Variants in PIGU observed in about 807,000 individuals in gnomAD.
PIGU encodes the protein phosphatidylinositol glycan anchor biosynthesis class U.
In PIGU, 24 loss-of-function variants were observed where a neutral mutation model predicts 49.9. That is an observed-to-expected ratio of 0.48 (90% CI 0.35 to 0.68). The LOEUF (loss-of-function observed/expected upper bound fraction) is 0.68. Among genes scored for constraint, PIGU ranks in the 30% least tolerant of loss-of-function variants. The pLI is 0.01. For synonymous variants in PIGU, 220 were observed against 205.7 expected (o/e 1.07, Z -0.59); for missense variants, 490 against 532.6 (o/e 0.92, Z 0.79).
Position 34,659,050 on chromosome 20 carries a change from C to T in PIGU, c.131-1806G>A, listed in dbSNP as rs552186961. 1.7e-4 allele frequency among the ~76,000 whole-genome samples: 25 copies of T among 148,330 alleles called. No individual in the cohort carries two copies. In the East Asian group the frequency reaches 4.7e-3, roughly 28 times the overall value. On this transcript the variant is annotated intron_variant, in intron 1 of 11. Transcript: ENST00000217446. ...GGAAGTGAGGAGCCCCTCTGCCCGG[C>T]CAGCTGCCCCGTCCGGGAGGGAGGT...
intron 2 of PIGU, among the ~76,000 whole-genome samples, chr20:34,653,695 G>C (rs1055968925): frequency 6.6e-6 from 1 of 152,182 alleles, no homozygotes; most frequent in Admixed American, 6.5e-5. Flanking sequence ...TATGCTGATA[G>C]AGGTAGGCAC....
rs946911419 is a variant in PIGU, at chr20:34,642,744, C to CTT, written c.318+1418_318+1419dup. On this transcript the variant is annotated intron_variant, in intron 4 of 11. Coordinates refer to ENST00000217446, the MANE Select transcript of PIGU (RefSeq NM_080476.5). Reference sequence around the variant, plus strand: ...CACACAAGTTTATTTTTTCCCTAGTCTTTTTTTTTTTTTTTTTTTTGGAGA... The same window carrying CTT: ...CACACAAGTTTATTTTTTCCCTAGTCTTTTTTTTTTTTTTTTTTTTTTGGAGA... Among the ~76,000 whole-genome samples, 118 of 91,158 alleles carry CTT rather than the reference C, an allele frequency of 1.3e-3. 4 individuals are homozygous for CTT. Among genetic ancestry groups the CTT allele is most frequent in the African/African-American group, 4.1e-3 (100 of 24,348 alleles). The allele number at this position is 91,158 out of a possible 152,430, so 59.8% of individuals were successfully genotyped here. A position where few individuals can be genotyped will look rare whatever the true frequency, so the allele number is the denominator to read the frequency against.
At chr20:34,636,541 C>T (rs1985971394) in intron 5 of PIGU, among the ~76,000 whole-genome samples, 1 of 151,990 alleles carries the variant, frequency 6.6e-6, no homozygotes, top group East Asian at 1.9e-4. Context: ...AAGACTCCGT[C>T]TCAAATAAAT....
chr20:34,571,274 CA>C (rs1411608591), intron 11 of PIGU, among the ~76,000 whole-genome samples: 1 of 152,106 alleles, frequency 6.6e-6, no homozygotes, highest in Non-Finnish European at 1.5e-5. Context: ...ATGCCACAGG[CA>C]GAAAAATAAT....
At chr20:34,578,133 G>A (rs1350740114) in intron 10 of PIGU, among the ~76,000 whole-genome samples, 1 of 152,154 alleles carries the variant, frequency 6.6e-6, no homozygotes, top group Non-Finnish European at 1.5e-5. Flanking sequence ...TCTGTCACCC[G>A]AGTTTATTGA....
At chr20:34,674,224 G>A (rs554415272) in intron 1 of PIGU, among the ~76,000 whole-genome samples, 100 of 150,828 alleles carry the variant, frequency 6.6e-4, no homozygotes, top group Middle Eastern at 3.4e-3. Context: ...GCATGGTGGC[G>A]GGCACCTGTA....
intron 6 of PIGU, among the ~76,000 whole-genome samples, chr20:34,621,240 T>G (rs1192677774): frequency 6.6e-6 from 1 of 152,122 alleles, no homozygotes; most frequent in Non-Finnish European, 1.5e-5. Flanking sequence ...CAGCAATACA[T>G]ATGAAATCCT....
At chr20:34,659,690 C>T (rs935034720) in intron 1 of PIGU, among the ~76,000 whole-genome samples, 1 of 152,202 alleles carries the variant, frequency 6.6e-6, no homozygotes, top group Non-Finnish European at 1.5e-5. Context: ...GGAGACTTTT[C>T]ATTTTGTTCT....
At chr20:34,571,217 T>C (rs575516341) in intron 11 of PIGU, among the ~76,000 whole-genome samples, 1 of 152,338 alleles carries the variant, frequency 6.6e-6, no homozygotes, top group African/African-American at 2.4e-5. Context: ...ACTGTTGTCA[T>C]TTCCTGTTAC....
At position 34,560,794 on chromosome 20, in the gene PIGU, T is replaced by C. The variant is rs575514146; in HGVS notation, c.*72A>G. The stretch of plus-strand genomic sequence containing the variant: ...CCAAGCACTCGCCTGCTGGCAACTC[T>C]GGCTGGAGGGCTTGGCCCAGCTTCT... On this transcript the variant is annotated 3_prime_UTR_variant, in exon 12 of 12. Coordinates refer to ENST00000217446, the MANE Select transcript of PIGU (RefSeq NM_080476.5). 5.9e-4 allele frequency: 697 copies of C among 1,184,532 alleles called. 2 individuals carry two copies. The African/African-American group carries it at 1.0e-2, about 17-fold the overall frequency. The allele number at this position is 1,184,532 out of a possible 1,614,324, so 73.4% of individuals were successfully genotyped here.
rs537955496 is a variant in PIGU at position 34,615,905 on chromosome 20, T to C, written c.627+137A>G. On this transcript the variant is annotated intron_variant, in intron 7 of 11. Transcript: ENST00000217446. ...CACTTTGTTTAAAGTTAGTCAAGTT[T>C]CTATGTGTTTATATTTTCAACTGGG... 1.2e-5 allele frequency: 17 copies of C among 1,369,892 alleles called. No individual in the cohort carries two copies. The African/African-American group carries it at 2.5e-4, about 20-fold the overall frequency. 84.9% of individuals were successfully genotyped at this position (1,369,892 alleles called of 1,614,324 possible).
chr20:34,639,862 A>T lies in PIGU; in HGVS notation c.319-1877T>A, dbSNP rs542985185. On this transcript the variant is annotated intron_variant, in intron 4 of 11. Transcript: ENST00000217446. The stretch of plus-strand genomic sequence containing the variant: ...TCACAGCTGGGGTTGTTTAATTAAA[A>T]GGACAAAATATAAACCAAGGTGCTT... 4.6e-5 allele frequency among the ~76,000 whole-genome samples: 7 copies of T among 152,312 alleles called. No individual in the cohort carries two copies. In the South Asian group the frequency reaches 1.5e-3, roughly 32 times the overall value.
chr20:34,562,421 C>T, intron 11 of PIGU: 1 of 1,287,018 alleles, frequency 7.8e-7, no homozygotes, highest in Admixed American at 2.3e-5. Context: ...CTGTCCTGGG[C>T]AGCTTCTCAC....
rs1391100134 is a variant in PIGU, at chr20:34,657,126, A to C, written c.195+54T>G. On this transcript the variant is annotated intron_variant, in intron 2 of 11. Transcript: ENST00000217446. ...TACAAAACAGAGGTTAGGCTTTGGT[A>C]TCTGTGACTGTAAACTACTCTTGGT... 5.3e-6 allele frequency: 7 copies of C among 1,332,554 alleles called. No individual in the cohort carries two copies. In the East Asian group the frequency reaches 1.6e-4, roughly 31 times the overall value. The allele number at this position is 1,332,554 out of a possible 1,614,324, so 82.5% of individuals were successfully genotyped here.
intron 2 of PIGU, among the ~76,000 whole-genome samples, chr20:34,650,732 G>C: frequency 6.4e-5 from 1 of 15,556 alleles, no homozygotes; most frequent in Non-Finnish European, 1.4e-4. Context: ...TTTTTTTTTT[G>C]AGAAGGAGTC....
At chr20:34,563,359 G>T (rs1209339557) in intron 11 of PIGU, among the ~76,000 whole-genome samples, 3 of 152,096 alleles carry the variant, frequency 2.0e-5, no homozygotes, top group Non-Finnish European at 4.4e-5. Flanking sequence ...CCTGAGGTTG[G>T]GAGTTCGAGA....
At chr20:34,632,549 TAG>T (rs1985821607) in intron 6 of PIGU, among the ~76,000 whole-genome samples, 1 of 151,968 alleles carries the variant, frequency 6.6e-6, no homozygotes, top group Non-Finnish European at 1.5e-5. Context: ...TTGTTTTTAG[TAG>T]AGATGGGGTT....
intron 1 of PIGU, among the ~76,000 whole-genome samples, chr20:34,657,957 C>CCT (rs968728155): frequency 5.3e-5 from 8 of 151,352 alleles, no homozygotes; most frequent in South Asian, 4.2e-4. Context: ...TCACCCTCTC[C>CCT]CTCTCTCTCT....
intron 7 of PIGU, among the ~76,000 whole-genome samples, chr20:34,600,502 T>G (rs890852399): frequency 1.3e-5 from 2 of 151,876 alleles, no homozygotes; most frequent in Non-Finnish European, 2.9e-5. Flanking sequence ...AAGAAAGTAT[T>G]TAGGTTCTGA....
Sources: allele counts gnomAD v4.1 joint callset (sites outside exome capture counted in the v4.1 genomes callset), GRCh38; gene constraint gnomAD v4.1.1; transcripts MANE v1.5; gene names NCBI Gene and HGNC (gene_info 2026-07-23, HGNC 2026-07-21).